The following PI4KA variants were observed in gnomAD, a reference collection of about 807,000 sequenced individuals.
The protein encoded by PI4KA is phosphatidylinositol 4-kinase alpha, also known as PI4-kinase alpha.
PI4KA carries 122 observed loss-of-function variants against 271.4 expected under a neutral mutation model. The observed-to-expected ratio is 0.45, with a 90% CI of 0.39 to 0.52. PI4KA has a LOEUF of 0.52. Ranked by LOEUF, PI4KA falls within the 20% of genes least tolerant of loss-of-function variation. PI4KA has a pLI of 0.00. For synonymous variants in PI4KA, 1,041 were observed against 1,078.8 expected (o/e 0.96, Z 0.69); for missense variants, 1,969 against 2,769.1 (o/e 0.71, Z 6.48).
In PI4KA at chr22:20,733,610, A is replaced by T. The variant is rs536070336; in HGVS notation, c.4160+126T>A. 84 of 1,454,310 alleles carry T rather than the reference A, an allele frequency of 5.8e-5. No individual in the cohort carries two copies. The Middle Eastern group carries it at 1.1e-3, about 19-fold the overall frequency. The allele number at this position is 1,454,310 out of a possible 1,614,324, so 90.1% of individuals were successfully genotyped here. On this transcript the variant is annotated intron_variant, in intron 35 of 54. Transcript: ENST00000255882. ...ACAGGGCCAGGGATACTGAAGGAGG[A>T]GGTTGGTGAGCACAACTGGGCAACT... is the stretch of plus-strand genomic sequence containing the variant.
intron 19 of PI4KA, chr22:20,779,121 G>T: frequency 7.0e-7 from 1 of 1,434,062 alleles, no homozygotes; most frequent in Non-Finnish European, 9.4e-7. Context: ...CACATCAAAG[G>T]TTGGGTGTCT....
At chr22:20,846,385 A>C (rs1926259788) in intron 1 of PI4KA, among the ~76,000 whole-genome samples, 1 of 149,932 alleles carries the variant, frequency 6.7e-6, no homozygotes, top group Non-Finnish European at 1.5e-5. Context: ...ACTTTATCTC[A>C]ATTATTAAAA....
intron 19 of PI4KA, among the ~76,000 whole-genome samples, chr22:20,767,469 A>C (rs1300489282): frequency 6.6e-6 from 1 of 151,672 alleles, no homozygotes; most frequent in African/African-American, 2.4e-5. Context: ...ATAATAAATT[A>C]ATTATTTTTG....
intron 22 of PI4KA, among the ~76,000 whole-genome samples, chr22:20,764,076 G>T (rs1339264825): frequency 6.6e-6 from 1 of 152,106 alleles, no homozygotes; most frequent in Non-Finnish European, 1.5e-5. Flanking sequence ...CGACTTATTT[G>T]CATCCCTCCC....
intron 3 of PI4KA, among the ~76,000 whole-genome samples, chr22:20,826,510 A>G (rs1197332402): frequency 6.6e-6 from 1 of 152,190 alleles, no homozygotes; most frequent in Non-Finnish European, 1.5e-5. Context: ...TGTAATAAAC[A>G]TACTTACGCA....
chr22:20,853,106 C>A (rs1021142368), intron 1 of PI4KA, among the ~76,000 whole-genome samples: 1 of 152,152 alleles, frequency 6.6e-6, no homozygotes, highest in Non-Finnish European at 1.5e-5. Flanking sequence ...TAGTTAGCTA[C>A]GACACCTCAG....
chr22:20,771,664 C>A (rs1432961647), intron 19 of PI4KA, among the ~76,000 whole-genome samples: 1 of 151,862 alleles, frequency 6.6e-6, no homozygotes, highest in Non-Finnish European at 1.5e-5. Context: ...TCACTGCAAC[C>A]TTCACCTCCC....
intron 9 of PI4KA, among the ~76,000 whole-genome samples, chr22:20,808,321 C>T (rs1283943499): frequency 6.6e-6 from 1 of 150,960 alleles, no homozygotes; most frequent in African/African-American, 2.4e-5. Flanking sequence ...TGCAGTGGCT[C>T]TCGCCTGTAA....
chr22:20,800,883 A>AT (rs1183241727), intron 14 of PI4KA, among the ~76,000 whole-genome samples: 2 of 145,632 alleles, frequency 1.4e-5, no homozygotes, highest in Non-Finnish European at 3.1e-5. Context: ...CAAAAAAAAA[A>AT]AAGGAAGAAT....
intron 18 of PI4KA, among the ~76,000 whole-genome samples, chr22:20,793,905 C>T (rs1934808194): frequency 6.6e-6 from 1 of 152,242 alleles, no homozygotes; most frequent in South Asian, 2.1e-4. Context: ...TTGATTTATG[C>T]TCTTAATCTA....
intron 19 of PI4KA, among the ~76,000 whole-genome samples, chr22:20,792,288 G>A (rs528310327): frequency 4.3e-4 from 66 of 152,268 alleles, no homozygotes; most frequent in African/African-American, 1.5e-3. Flanking sequence ...ACACTCAGAT[G>A]GTGTGAGCAG....
Position 20,730,029 on chromosome 22 carries a change from G to A in PI4KA, c.4289-18C>T. The A allele has an allele frequency of 6.2e-7, 1 of 1,613,638 alleles. No individual in the cohort carries two copies. The highest frequency in any genetic ancestry group is 8.5e-7 in the Non-Finnish European group (1 of 1,179,726). ...CTGATTATCTGAGGGCAAACACATTGTTGATTCTAGAGTGAGGTGGCTCAA... is the reference window on the plus strand; with the variant it reads ...CTGATTATCTGAGGGCAAACACATTATTGATTCTAGAGTGAGGTGGCTCAA... On this transcript the variant is annotated intron_variant, in intron 36 of 54. Coordinates refer to ENST00000255882, the MANE Select transcript of PI4KA (RefSeq NM_058004.4).
intron 45 of PI4KA, among the ~76,000 whole-genome samples, chr22:20,714,954 G>A (rs772184691): frequency 6.6e-6 from 1 of 152,212 alleles, no homozygotes; most frequent in Non-Finnish European, 1.5e-5. Context: ...TGCTCTTCCT[G>A]GAGGAGCACT....
chr22:20,731,330 T>C (rs1485613448), intron 36 of PI4KA, among the ~76,000 whole-genome samples: 1 of 152,224 alleles, frequency 6.6e-6, no homozygotes, highest in African/African-American at 2.4e-5. Context: ...CTGTTTGCCC[T>C]CTTCTAAGTG....
At chr22:20,803,986 C>T (rs1935493931) in intron 12 of PI4KA, among the ~76,000 whole-genome samples, 1 of 152,204 alleles carries the variant, frequency 6.6e-6, no homozygotes, top group South Asian at 2.1e-4. Flanking sequence ...GGAGACATCC[C>T]CTTGCGTGGC....
intron 1 of PI4KA, among the ~76,000 whole-genome samples, chr22:20,855,712 A>C (rs1371520680): frequency 6.6e-6 from 1 of 152,244 alleles, no homozygotes; most frequent in Non-Finnish European, 1.5e-5. Context: ...GTTTGTGCCC[A>C]GGAAAGTCCA....
At chr22:20,713,098 A>T (rs1306735913) in intron 48 of PI4KA, 183 bp downstream of exon 48, 1 of 689,984 alleles carries the variant, frequency 1.4e-6, no homozygotes, top group East Asian at 2.7e-5. Flanking sequence ...ACAGTGGGAA[A>T]GGGGCTGGAA....
At chr22:20,722,846 C>T (rs1047957671) in intron 42 of PI4KA, among the ~76,000 whole-genome samples, 2 of 152,122 alleles carry the variant, frequency 1.3e-5, no homozygotes, top group African/African-American at 4.8e-5. Context: ...AATTCTAACC[C>T]GGCAAATGGA....
At chr22:20,797,191 G>A (rs1198224264) in intron 17 of PI4KA, among the ~76,000 whole-genome samples, 2 of 152,194 alleles carry the variant, frequency 1.3e-5, no homozygotes, top group Non-Finnish European at 2.9e-5. Flanking sequence ...GGCAAACAAA[G>A]GGCAGTAAAT....
Sources: allele counts gnomAD v4.1 joint callset (sites outside exome capture counted in the v4.1 genomes callset), GRCh38; gene constraint gnomAD v4.1.1; transcripts MANE v1.5; gene names NCBI Gene and HGNC (gene_info 2026-07-23, HGNC 2026-07-21).